The following LRRC4C variants were observed in gnomAD, a reference collection of about 807,000 sequenced individuals.
The protein encoded by LRRC4C is leucine rich repeat containing 4C.
A neutral mutation model predicts 33.6 loss-of-function variants in LRRC4C; 5 were observed. That is an observed-to-expected ratio of 0.15 (90% CI 0.08 to 0.31). The LOEUF (loss-of-function observed/expected upper bound fraction) is 0.31, where lower values mean the gene tolerates loss of function less well. Among genes scored for constraint, LRRC4C ranks in the 10% least tolerant of loss-of-function variants. The pLI is 1.00. For synonymous variants in LRRC4C, 329 were observed against 302.0 expected, an observed-to-expected ratio of 1.09 and a Z score of -0.93; for missense variants, 560 against 796.7, an observed-to-expected ratio of 0.70 and a Z score of 3.58.
chr11:40,825,851 T>C lies in LRRC4C; in HGVS notation c.-407+107784A>G, dbSNP rs140698411. Among the ~76,000 whole-genome samples the C allele has an allele frequency of 7.8e-4, 118 of 150,660 alleles. 2 individuals carry two copies. In the East Asian group the frequency reaches 0.022, roughly 28 times the overall value. On this transcript the variant is annotated intron_variant, in intron 2 of 6. Transcript: ENST00000528697. ...TTCTTGGAAGGAAAGAAGCCAGTTG[T>C]ATATTCTTTTCGTAAGAAAAAAAAA...
At chr11:40,639,658 C>A (rs1941990883) in intron 3 of LRRC4C, among the ~76,000 whole-genome samples, 1 of 152,170 alleles carries the variant, frequency 6.6e-6, no homozygotes, top group South Asian at 2.1e-4. Flanking sequence ...TGTTTTACTG[C>A]CTTAAAATTT....
chr11:41,443,938 A>T (rs971526634), intron 1 of LRRC4C, among the ~76,000 whole-genome samples: 1 of 152,008 alleles, frequency 6.6e-6, no homozygotes, highest in African/African-American at 2.4e-5. Context: ...CCTCAATTTC[A>T]TATTACCTTT....
At chr11:40,371,923 C>T (rs939624719) in intron 3 of LRRC4C, among the ~76,000 whole-genome samples, 8 of 152,116 alleles carry the variant, frequency 5.3e-5, no homozygotes, top group Admixed American at 2.6e-4. Context: ...GTAGATAGGG[C>T]AGGAGCGGCT....
chr11:40,184,107 G>T (rs918192418), intron 5 of LRRC4C, among the ~76,000 whole-genome samples: 2 of 152,146 alleles, frequency 1.3e-5, no homozygotes, highest in Non-Finnish European at 2.9e-5. Context: ...TTTGAGTGAC[G>T]GTACATCTCA....
At chr11:41,244,532 A>G (rs1824258300) in intron 1 of LRRC4C, among the ~76,000 whole-genome samples, 1 of 152,290 alleles carries the variant, frequency 6.6e-6, no homozygotes, top group African/African-American at 2.4e-5. Context: ...GAAGGTTGTG[A>G]AGTCAAAGCA....
chr11:40,501,073 A>G (rs1421343682), intron 3 of LRRC4C, among the ~76,000 whole-genome samples: 1 of 152,160 alleles, frequency 6.6e-6, no homozygotes, highest in Non-Finnish European at 1.5e-5. Context: ...TGGGGCAGTC[A>G]AATCTTAAAG....
intron 1 of LRRC4C, among the ~76,000 whole-genome samples, chr11:41,026,455 A>G (rs1432994262): frequency 6.6e-6 from 1 of 151,640 alleles, no homozygotes; most frequent in Non-Finnish European, 1.5e-5. Context: ...ACGTATGAGC[A>G]AAGAAGGTGA....
At chr11:41,151,756 A>G (rs1944009736) in intron 1 of LRRC4C, among the ~76,000 whole-genome samples, 1 of 152,232 alleles carries the variant, frequency 6.6e-6, no homozygotes, top group African/African-American at 2.4e-5. Flanking sequence ...AAGATGGCCA[A>G]CACTATTAAA....
At chr11:40,565,202 G>T (rs2135529721) in intron 3 of LRRC4C, among the ~76,000 whole-genome samples, 1 of 152,256 alleles carries the variant, frequency 6.6e-6, no homozygotes, top group East Asian at 1.9e-4. Context: ...AGCAACCGTG[G>T]AGAAATTATT....
At chr11:40,731,462 C>T (rs1263262342) in intron 2 of LRRC4C, among the ~76,000 whole-genome samples, 1 of 152,146 alleles carries the variant, frequency 6.6e-6, no homozygotes, top group East Asian at 1.9e-4. Context: ...AGAAGCCAAG[C>T]AGATGCTGGT....
chr11:40,834,907 G>C (rs148208484), intron 2 of LRRC4C, among the ~76,000 whole-genome samples: 5,112 of 44,798 alleles, frequency 0.11, 227 homozygotes, highest in African/African-American at 0.2. Flanking sequence ...CAGACAGACA[G>C]ACAGACACAC....
intron 1 of LRRC4C, among the ~76,000 whole-genome samples, chr11:41,403,477 A>G (rs1565645321): frequency 6.6e-6 from 1 of 152,068 alleles, no homozygotes; most frequent in Non-Finnish European, 1.5e-5. Context: ...AAATCACAGG[A>G]CAAAGAACCC....
chr11:41,238,353 T>C (rs1342813481), intron 1 of LRRC4C, among the ~76,000 whole-genome samples: 1 of 152,166 alleles, frequency 6.6e-6, no homozygotes, highest in Non-Finnish European at 1.5e-5. Flanking sequence ...GAGTGTTCTT[T>C]ATTTGACCTA....
At chr11:40,778,056 A>C (rs894061501) in intron 2 of LRRC4C, among the ~76,000 whole-genome samples, 7 of 152,168 alleles carry the variant, frequency 4.6e-5, no homozygotes, top group African/African-American at 1.7e-4. Flanking sequence ...GGCCATTTAC[A>C]TTCAAGGTTA....
chr11:41,085,975 T>G (rs17507647), intron 1 of LRRC4C, among the ~76,000 whole-genome samples: 50,832 of 141,184 alleles, frequency 0.36, 10,095 homozygotes, highest in South Asian at 0.47. Context: ...AAAAACTGAA[T>G]CCTTCCACCC....
At position 40,359,078 on chromosome 11, in the gene LRRC4C, A is replaced by G. The variant is rs1055057149; in HGVS notation, c.-269-39357T>C. On this transcript the variant is annotated intron_variant, in intron 3 of 6. Transcript: ENST00000528697. Reference sequence around the variant, plus strand: ...TCTGATAAATTGTTTAGGGAAAAAAAAGGAAAGCTGGTGTTTCTCCCTTAT... The same window carrying G: ...TCTGATAAATTGTTTAGGGAAAAAAGAGGAAAGCTGGTGTTTCTCCCTTAT... 2.6e-4 allele frequency among the ~76,000 whole-genome samples: 39 copies of G among 152,330 alleles called. No individual in the cohort carries two copies. In the East Asian group the frequency reaches 4.4e-3, roughly 17 times the overall value.
intron 1 of LRRC4C, among the ~76,000 whole-genome samples, chr11:41,452,777 A>G (rs1393188059): frequency 6.6e-6 from 1 of 152,098 alleles, no homozygotes; most frequent in Admixed American, 6.6e-5. Flanking sequence ...ATAAGTAGAC[A>G]AACAAGAATA....
chr11:40,942,865 C>T (rs924561493), intron 1 of LRRC4C, among the ~76,000 whole-genome samples: 1 of 152,122 alleles, frequency 6.6e-6, no homozygotes, highest in Admixed American at 6.6e-5. Flanking sequence ...ACCTACCAAC[C>T]ATATGAACAG....
rs564101227 is a variant in LRRC4C at position 40,875,416 on chromosome 11, G to A, written c.-407+58219C>T. ...CAAAAATGAACACTGTCAAGATCCC[G>A]CATTTGATGAATTAAATAAAGGGCG... On this transcript the variant is annotated intron_variant, in intron 2 of 6. Transcript: ENST00000528697. 1.5e-4 allele frequency among the ~76,000 whole-genome samples: 23 copies of A among 152,194 alleles called. No individual in the cohort carries two copies. In the East Asian group the frequency reaches 3.7e-3, roughly 24 times the overall value.
Sources: gnomAD v4.1 joint callset for allele counts (sites outside exome capture counted in the v4.1 genomes callset) on GRCh38, gnomAD v4.1.1 for gene constraint, MANE v1.5 for transcripts, NCBI Gene and HGNC (gene_info 2026-07-23, HGNC 2026-07-21) for gene names.